PPP3CA: variants seen among roughly 807,000 people sequenced by gnomAD.
PPP3CA encodes CAM-PRP catalytic subunit.
Under a neutral mutation model 66.5 loss-of-function variants are expected in PPP3CA, and 14 were observed. The ratio of observed to expected loss-of-function variants is 0.21; its 90% CI spans 0.14 to 0.33. The LOEUF (loss-of-function observed/expected upper bound fraction) is 0.33, where lower values mean the gene tolerates loss of function less well. Ranked by LOEUF, PPP3CA falls within the 10% of genes least tolerant of loss-of-function variation. The probability of loss-of-function intolerance (pLI) is 1.00; values close to 1 mark genes in which losing one functional copy is unlikely to be tolerated. For synonymous variants in PPP3CA, 232 were observed against 226.2 expected, an observed-to-expected ratio of 1.03 and a Z score of -0.23; for missense variants, 317 against 639.5, an observed-to-expected ratio of 0.50 and a Z score of 5.44.
intron 1 of PPP3CA, among the ~76,000 whole-genome samples, chr4:101,220,060 C>T (rs1725574848): frequency 6.6e-6 from 1 of 151,754 alleles, no homozygotes; most frequent in Non-Finnish European, 1.5e-5. Context: ...AAGAACTTTG[C>T]TTCAATTAAG....
rs201588702 is a variant in PPP3CA, at chr4:101,099,759, T to C, written c.385-37A>G. 150 of 1,171,172 alleles carry C rather than the reference T, an allele frequency of 1.3e-4. No individual in the cohort carries two copies. In the African/African-American group the frequency reaches 2.0e-3, roughly 16 times the overall value. 72.5% of individuals were successfully genotyped at this position (1,171,172 alleles called of 1,614,324 possible). A position where few individuals can be genotyped will look rare whatever the true frequency, so the allele number is the denominator to read the frequency against. ...AAAAATAATATAAAAATAAATATTT[T>C]TCCTTAACACTTATGCATTTCATTG... is the stretch of plus-strand genomic sequence containing the variant. On this transcript the variant is annotated intron_variant, in intron 3 of 13. Transcript: ENST00000394854.
intron 3 of PPP3CA, among the ~76,000 whole-genome samples, chr4:101,101,049 G>A (rs746374057): frequency 6.6e-6 from 1 of 151,960 alleles, no homozygotes; most frequent in South Asian, 2.1e-4. Flanking sequence ...ATTATCTCTA[G>A]GTAATTATGA....
chr4:101,298,205 G>GAGGGT (rs1728255329), intron 1 of PPP3CA, among the ~76,000 whole-genome samples: 1 of 151,972 alleles, frequency 6.6e-6, no homozygotes. Context: ...CCCTCAGATA[G>GAGGGT]ACTCAAGAGT....
In PPP3CA at chr4:101,196,007, C is replaced by T. The variant is rs74629169; in HGVS notation, c.168G>A (p.Leu56=). The T allele has an allele frequency of 1.2e-6, 2 of 1,614,010 alleles. No homozygotes were observed. Among genetic ancestry groups the T allele is most frequent in the Non-Finnish European group, 1.7e-6 (2 of 1,179,988 alleles). The part of the protein sequence containing the change: ...LKAHLMKEGR[L]EESVALRIIT... ...TTATTCTCAATGCAACACTCTCTTC[C>T]AGCCTTCCCTCCTTCATAAGATGCG... The change falls in exon 2 of 14, where the codon CTG becomes CTA. Residue 56 remains leucine (L), a synonymous_variant. Transcript: ENST00000394854.
At chr4:101,061,788 A>G (rs1053477617) in intron 9 of PPP3CA, among the ~76,000 whole-genome samples, 5 of 152,106 alleles carry the variant, frequency 3.3e-5, no homozygotes, top group Non-Finnish European at 7.4e-5. Flanking sequence ...AGGATTACAT[A>G]AAAGTGTTGT....
At chr4:101,318,549 T>C (rs1728948709) in intron 1 of PPP3CA, among the ~76,000 whole-genome samples, 1 of 152,158 alleles carries the variant, frequency 6.6e-6, no homozygotes, top group African/African-American at 2.4e-5. Flanking sequence ...TTAAATTATA[T>C]TGTTAGAATT....
chr4:101,319,271 C>G lies in PPP3CA; in HGVS notation c.58+27468G>C, dbSNP rs188924725. ...GAATGAAAGTTAAACGGCATTATTA[C>G]TTTTAAAAACTCTTACTATACTATT... On this transcript the variant is annotated intron_variant, in intron 1 of 13. Coordinates refer to ENST00000394854, the MANE Select transcript of PPP3CA (RefSeq NM_000944.5). Among the ~76,000 whole-genome samples, 77 of 151,082 alleles carry G rather than the reference C, an allele frequency of 5.1e-4. 1 individual carries two copies. Among genetic ancestry groups the G allele is most frequent in the Admixed American group, 2.4e-3 (37 of 15,168 alleles).
intron 2 of PPP3CA, among the ~76,000 whole-genome samples, chr4:101,143,945 A>G (rs901712478): frequency 1.3e-5 from 2 of 152,212 alleles, no homozygotes; most frequent in Non-Finnish European, 2.9e-5. Context: ...GGATGATGGC[A>G]TCACCATCTA....
chr4:101,324,331 G>A (rs1292775087), intron 1 of PPP3CA, among the ~76,000 whole-genome samples: 5 of 152,046 alleles, frequency 3.3e-5, no homozygotes, highest in Non-Finnish European at 5.9e-5. Flanking sequence ...CAGGTAGTCT[G>A]GCTCCAGACC....
At position 101,025,715 on chromosome 4, in the gene PPP3CA, G is replaced by T; in HGVS notation, c.*150C>A. 1 of 584,320 alleles carries T rather than the reference G, an allele frequency of 1.7e-6. No individual in the cohort carries two copies. Among genetic ancestry groups the T allele is most frequent in the Non-Finnish European group, 2.8e-6 (1 of 353,816 alleles). The allele number at this position is 584,320 out of a possible 1,614,324, so 36.2% of individuals were successfully genotyped here. ...TCTCTCTCCCTCTTTTTTAATGATAGTGTAAACTGAATCCAATTCCTGGCC... is the reference window on the plus strand; with the variant it reads ...TCTCTCTCCCTCTTTTTTAATGATATTGTAAACTGAATCCAATTCCTGGCC... On this transcript the variant is annotated 3_prime_UTR_variant, in exon 14 of 14. Coordinates refer to ENST00000394854, the MANE Select transcript of PPP3CA (RefSeq NM_000944.5).
chr4:101,229,574 C>A (rs1176533563), intron 1 of PPP3CA, among the ~76,000 whole-genome samples: 1 of 151,334 alleles, frequency 6.6e-6, no homozygotes, highest in Non-Finnish European at 1.5e-5. Context: ...AAAAGTAAAC[C>A]CTGACTTGAA....
chr4:101,226,935 TA>T (rs919296148), intron 1 of PPP3CA, among the ~76,000 whole-genome samples: 1 of 151,618 alleles, frequency 6.6e-6, no homozygotes, highest in Non-Finnish European at 1.5e-5. Context: ...TCAGGATAAT[TA>T]TTTTTTTATA....
chr4:101,191,087 A>C (rs1394092370), intron 2 of PPP3CA, among the ~76,000 whole-genome samples: 4 of 152,318 alleles, frequency 2.6e-5, no homozygotes, highest in African/African-American at 9.6e-5. Context: ...TTAGGTTCTT[A>C]AACCAATGAA....
chr4:101,300,648 ATAGC>A (rs1453889944), intron 1 of PPP3CA, among the ~76,000 whole-genome samples: 1 of 152,122 alleles, frequency 6.6e-6, no homozygotes, highest in African/African-American at 2.4e-5. Flanking sequence ...ATAGAAAAAA[ATAGC>A]TAGGCATGGT....
intron 2 of PPP3CA, among the ~76,000 whole-genome samples, chr4:101,123,296 G>A (rs1002216549): frequency 1.3e-5 from 2 of 152,112 alleles, no homozygotes; most frequent in African/African-American, 4.8e-5. Flanking sequence ...ACAATGCAAT[G>A]GGCATTGTTC....
rs1560605247 is a variant in PPP3CA at position 101,106,463 on chromosome 4, A to AGAAGAGAAGAGAAGAGAAGAGAAG, written c.384+2490_384+2491insCTTCTCTTCTCTTCTCTTCTCTTC. ...AAAGAAAGAAAGAAAGAGAAAAGAAAAGAAAAGAAAAGAAAAGAAAAGAAA... is the reference window on the plus strand; with the variant it reads ...AAAGAAAGAAAGAAAGAGAAAAGAAAGAAGAGAAGAGAAGAGAAGAGAAGAGAAAAGAAAAGAAAAGAAAAGAAA... On this transcript the variant is annotated intron_variant, in intron 3 of 13. Transcript: ENST00000394854. Among the ~76,000 whole-genome samples the AGAAGAGAAGAGAAGAGAAGAGAAG allele has an allele frequency of 3.0e-4, 10 of 33,758 alleles. 1 individual carries two copies. The highest frequency in any genetic ancestry group is 4.6e-4 in the Non-Finnish European group (8 of 17,368). 22.1% of individuals were successfully genotyped at this position (33,758 alleles called of 152,430 possible).
chr4:101,148,519 G>C (rs1048546874), intron 2 of PPP3CA, among the ~76,000 whole-genome samples: 2 of 152,106 alleles, frequency 1.3e-5, no homozygotes, highest in Non-Finnish European at 2.9e-5. Flanking sequence ...TACAAATAGT[G>C]AATTTCTTAG....
rs534519750 is a variant in PPP3CA at position 101,161,681 on chromosome 4, T to C, written c.259+34235A>G. ...ACACATACAGGTGAGAGCTTTACAATACTTGGTAAACAATTCTGAACAAAT... is the reference window on the plus strand; with the variant it reads ...ACACATACAGGTGAGAGCTTTACAACACTTGGTAAACAATTCTGAACAAAT... On this transcript the variant is annotated intron_variant, in intron 2 of 13. Coordinates refer to ENST00000394854, the MANE Select transcript of PPP3CA (RefSeq NM_000944.5). Among the ~76,000 whole-genome samples, 16 of 152,276 alleles carry C rather than the reference T, an allele frequency of 1.1e-4. No homozygotes were observed. The South Asian group carries it at 3.3e-3, about 32-fold the overall frequency.
chr4:101,157,924 C>A (rs1723378504), intron 2 of PPP3CA, among the ~76,000 whole-genome samples: 1 of 137,876 alleles, frequency 7.3e-6, no homozygotes, highest in South Asian at 2.5e-4. Flanking sequence ...CAAAATAGTT[C>A]TATTTTTAAT....
Sources: allele counts gnomAD v4.1 joint callset (sites outside exome capture counted in the v4.1 genomes callset), GRCh38; gene constraint gnomAD v4.1.1; transcripts MANE v1.5; gene names NCBI Gene and HGNC (gene_info 2026-07-23, HGNC 2026-07-21).